The following NRXN3 variants were observed in gnomAD, a reference collection of about 807,000 sequenced individuals.
NRXN3 encodes neurexin 3.
NRXN3 carries 32 observed loss-of-function variants against 137.6 expected under a neutral mutation model. The observed-to-expected ratio is 0.23, with a 90% CI of 0.18 to 0.31. The LOEUF is 0.31. Ranked by LOEUF, NRXN3 falls within the 10% of genes least tolerant of loss-of-function variation. The pLI is 1.00. For synonymous variants in NRXN3, 798 were observed against 784.5 expected (o/e 1.02, Z -0.29); for missense variants, 1,574 against 2,062.5 (o/e 0.76, Z 4.59).
At chr14:78,323,306 G>A (rs2079628319) in intron 4 of NRXN3, among the ~76,000 whole-genome samples, 1 of 151,886 alleles carries the variant, frequency 6.6e-6, no homozygotes, top group Admixed American at 6.5e-5. Context: ...AGGTGAGTTG[G>A]GAAAGAATGA....
chr14:78,460,115 C>A (rs548364434), intron 4 of NRXN3, among the ~76,000 whole-genome samples: 1 of 152,340 alleles, frequency 6.6e-6, no homozygotes, highest in South Asian at 2.1e-4. Context: ...ACAAAGAATA[C>A]TTATCAACAG....
chr14:79,383,211 G>T (rs1009368878), intron 15 of NRXN3, among the ~76,000 whole-genome samples: 1 of 152,182 alleles, frequency 6.6e-6, no homozygotes, highest in Non-Finnish European at 1.5e-5. Flanking sequence ...ATGGGGTGTA[G>T]GGAAATATAA....
At chr14:79,081,321 A>C (rs566176595) in intron 15 of NRXN3, among the ~76,000 whole-genome samples, 2 of 152,212 alleles carry the variant, frequency 1.3e-5, no homozygotes, top group Non-Finnish European at 2.9e-5. Context: ...GTGAGAAAAG[A>C]TATGATGTGT....
chr14:78,503,435 G>T (rs1392545346), intron 4 of NRXN3, among the ~76,000 whole-genome samples: 2 of 152,172 alleles, frequency 1.3e-5, no homozygotes, highest in African/African-American at 2.4e-5. Flanking sequence ...AGGGGAGACA[G>T]ATGATTGATT....
intron 4 of NRXN3, among the ~76,000 whole-genome samples, chr14:78,489,648 C>A (rs2095628226): frequency 6.6e-6 from 1 of 152,110 alleles, no homozygotes; most frequent in East Asian, 1.9e-4. Context: ...AGAATAAAAT[C>A]TATTTTCTTC....
intron 19 of NRXN3, among the ~76,000 whole-genome samples, chr14:79,786,775 A>ATC: frequency 6.6e-6 from 1 of 152,224 alleles, no homozygotes; most frequent in African/African-American, 2.4e-5. Flanking sequence ...ATTAATGTGA[A>ATC]TATTCTAAGA....
At chr14:79,748,796 C>A (rs2098987702) in intron 19 of NRXN3, among the ~76,000 whole-genome samples, 1 of 151,824 alleles carries the variant, frequency 6.6e-6, no homozygotes, top group South Asian at 2.1e-4. Flanking sequence ...GTCAAATGTA[C>A]AAATACATAG....
At chr14:79,835,726 A>C (rs925759927) in intron 20 of NRXN3, among the ~76,000 whole-genome samples, 1 of 152,210 alleles carries the variant, frequency 6.6e-6, no homozygotes, top group African/African-American at 2.4e-5. Context: ...AAACTGGAAT[A>C]TGGCCATTGC....
chr14:79,435,791 C>A (rs1026011332), intron 15 of NRXN3, among the ~76,000 whole-genome samples: 1 of 152,082 alleles, frequency 6.6e-6, no homozygotes, highest in African/African-American at 2.4e-5. Flanking sequence ...TGGACCATCA[C>A]ACTTGGCTGA....
chr14:78,858,734 G>A (rs1415363210), intron 10 of NRXN3, among the ~76,000 whole-genome samples: 1 of 152,080 alleles, frequency 6.6e-6, no homozygotes. Context: ...TTTGTTAACT[G>A]CTGATTGAAC....
intron 16 of NRXN3, among the ~76,000 whole-genome samples, chr14:79,605,851 C>G (rs1003745439): frequency 1.3e-5 from 2 of 152,100 alleles, no homozygotes; most frequent in African/African-American, 2.4e-5. Context: ...GACTGTCATG[C>G]CTTGTCAGCT....
intron 10 of NRXN3, among the ~76,000 whole-genome samples, chr14:78,882,233 G>A (rs1208702834): frequency 6.6e-6 from 1 of 151,810 alleles, no homozygotes; most frequent in South Asian, 2.1e-4. Flanking sequence ...GTGCAGAAGG[G>A]AAATGTGGGG....
At chr14:78,407,769 C>G (rs2092579460) in intron 4 of NRXN3, among the ~76,000 whole-genome samples, 1 of 152,156 alleles carries the variant, frequency 6.6e-6, no homozygotes, top group Non-Finnish European at 1.5e-5. Context: ...TTCACACATC[C>G]CATTAGTCAA....
rs56653782 is a variant in NRXN3, at chr14:79,256,575, C to T, written c.3263-210646C>T. Among the ~76,000 whole-genome samples, 1,017 of 152,278 alleles carry T rather than the reference C, an allele frequency of 6.7e-3. 11 individuals are homozygous for T. Among genetic ancestry groups the T allele is most frequent in the African/African-American group, 0.023 (955 of 41,542 alleles). ...ACTACTAAATATCAAAGGCAGCTTTCACTCTTTAGGGACTTGGGCTTTCCA... is the reference window on the plus strand; with the variant it reads ...ACTACTAAATATCAAAGGCAGCTTTTACTCTTTAGGGACTTGGGCTTTCCA... On this transcript the variant is annotated intron_variant, in intron 15 of 20. Transcript: ENST00000335750.
At position 78,278,022 on chromosome 14, in the gene NRXN3, GCA is replaced by G. The variant is rs2073854584; in HGVS notation, c.710-615_710-614del. Among the ~76,000 whole-genome samples the G allele has an allele frequency of 2.0e-5, 3 of 152,306 alleles. No individual in the cohort carries two copies. The South Asian group carries it at 6.2e-4, about 32-fold the overall frequency. On this transcript the variant is annotated intron_variant, in intron 2 of 20. Transcript: ENST00000335750. ...ATGATCTACTCACACACAATCTCAT[GCA>G]CACACACTGCTGTCTGTGATGAAGC...
At chr14:79,740,525 A>T (rs2098957411) in intron 19 of NRXN3, among the ~76,000 whole-genome samples, 1 of 151,000 alleles carries the variant, frequency 6.6e-6, no homozygotes, top group Non-Finnish European at 1.5e-5. Context: ...TGTGCCTGCC[A>T]CTTTTGTATC....
intron 4 of NRXN3, among the ~76,000 whole-genome samples, chr14:78,353,722 C>T (rs2153597993): frequency 6.6e-6 from 1 of 152,272 alleles, no homozygotes; most frequent in South Asian, 2.1e-4. Context: ...AAGGGAGAGA[C>T]AGCAATTCCA....
chr14:78,632,903 C>T (rs182097155), intron 4 of NRXN3, among the ~76,000 whole-genome samples: 180 of 152,002 alleles, frequency 1.2e-3, no homozygotes, highest in African/African-American at 4.2e-3. Context: ...TCTTTGTATG[C>T]TATAGCAAAA....
At chr14:78,573,554 C>T (rs2096908840) in intron 4 of NRXN3, among the ~76,000 whole-genome samples, 1 of 152,152 alleles carries the variant, frequency 6.6e-6, no homozygotes. Context: ...TTCACCCCTG[C>T]CCTAGACATC....
Sources: gnomAD v4.1 joint callset for allele counts (sites outside exome capture counted in the v4.1 genomes callset) on GRCh38, gnomAD v4.1.1 for gene constraint, MANE v1.5 for transcripts, NCBI Gene and HGNC (gene_info 2026-07-23, HGNC 2026-07-21) for gene names.